The following JAM2 variants were observed in gnomAD, a reference collection of about 807,000 sequenced individuals.
The protein encoded by JAM2 is junctional adhesion molecule 2, also known as junctional adhesion molecule B.
JAM2 carries 17 observed loss-of-function variants against 42.0 expected under a neutral mutation model. The observed-to-expected ratio is 0.40, with a 90% confidence interval of 0.28 to 0.61. JAM2 has a LOEUF of 0.61. Ranked by LOEUF, JAM2 falls within the 20% of genes least tolerant of loss-of-function variation. JAM2 has a pLI of 0.37. For missense variants in JAM2, 319 were observed against 358.3 expected, an observed-to-expected ratio of 0.89 and a Z score of 0.89; for synonymous variants, 118 against 128.6, an observed-to-expected ratio of 0.92 and a Z score of 0.56.
chr21:25,654,789 A>G (rs571378368), intron 1 of JAM2, among the ~76,000 whole-genome samples: 1 of 152,360 alleles, frequency 6.6e-6, no homozygotes, highest in South Asian at 2.1e-4. Flanking sequence ...GGATAGATGC[A>G]CAAATTAAAT....
At chr21:25,648,302 A>G (rs1460386557) in intron 1 of JAM2, among the ~76,000 whole-genome samples, 2 of 152,224 alleles carry the variant, frequency 1.3e-5, no homozygotes, top group Non-Finnish European at 2.9e-5. Flanking sequence ...TAACTCAAGT[A>G]TGCATTTGTC....
In JAM2 at chr21:25,714,764, G is replaced by T; in HGVS notation, c.*92G>T. 1 of 785,432 alleles carries T rather than the reference G, an allele frequency of 1.3e-6. No homozygotes were observed. The highest frequency in any genetic ancestry group is 2.5e-5 in the South Asian group (1 of 39,528). 48.7% of individuals were successfully genotyped at this position (785,432 alleles called of 1,614,324 possible). On this transcript the variant is annotated 3_prime_UTR_variant, in exon 10 of 10. Coordinates refer to ENST00000480456, the MANE Select transcript of JAM2 (RefSeq NM_021219.4). ...CTGCTTTGTCCGACATTTGCAAAGA[G>T]GTACACGAGGAAATGGAATTGGTAT...
intron 1 of JAM2, among the ~76,000 whole-genome samples, chr21:25,666,847 C>G (rs567005037): frequency 3.3e-5 from 5 of 152,276 alleles, no homozygotes; most frequent in Non-Finnish European, 7.4e-5. Flanking sequence ...CTTTTAAAAT[C>G]TCCTTTTAAG....
intron 6 of JAM2, among the ~76,000 whole-genome samples, chr21:25,704,270 C>G (rs2034227611): frequency 1.3e-5 from 2 of 152,006 alleles, no homozygotes; most frequent in Admixed American, 1.3e-4. Flanking sequence ...ATCTTATTGA[C>G]CTCTCAATAC....
chr21:25,646,799 G>T (rs1217014560), intron 1 of JAM2, among the ~76,000 whole-genome samples: 4 of 152,152 alleles, frequency 2.6e-5, no homozygotes, highest in Non-Finnish European at 5.9e-5. Context: ...CCATTGTCTT[G>T]GCTCAGAAAG....
chr21:25,683,548 C>T (rs1417510066), intron 1 of JAM2, among the ~76,000 whole-genome samples: 2 of 151,806 alleles, frequency 1.3e-5, no homozygotes, highest in African/African-American at 4.8e-5. Flanking sequence ...GGGGCAATAC[C>T]GTGTGACACT....
At chr21:25,712,410 A>G in intron 9 of JAM2, 28 bp downstream of exon 9, 1 of 1,490,030 alleles carries the variant, frequency 6.7e-7, no homozygotes, top group Non-Finnish European at 9.3e-7. Context: ...ATATTTATAG[A>G]ATGAATATGT....
chr21:25,695,234 C>A (rs377492366), intron 4 of JAM2, among the ~76,000 whole-genome samples: 1 of 152,106 alleles, frequency 6.6e-6, no homozygotes, highest in Non-Finnish European at 1.5e-5. Flanking sequence ...CATCTTGCAC[C>A]GCCCTTAATC....
intron 1 of JAM2, among the ~76,000 whole-genome samples, chr21:25,679,004 A>G (rs187821282): frequency 6.6e-6 from 1 of 152,194 alleles, no homozygotes; most frequent in East Asian, 1.9e-4. Flanking sequence ...GGATGTTACT[A>G]TGTTGCCCAG....
intron 1 of JAM2, among the ~76,000 whole-genome samples, chr21:25,644,689 G>C (rs1452905770): frequency 6.6e-6 from 1 of 152,206 alleles, no homozygotes; most frequent in Non-Finnish European, 1.5e-5. Flanking sequence ...TGGGGAGTAG[G>C]ATGTGGACAT....
intron 9 of JAM2, 108 bp downstream of exon 9, chr21:25,712,490 C>A (rs923237460): frequency 9.4e-6 from 7 of 745,550 alleles, no homozygotes; most frequent in Admixed American, 4.7e-5. Flanking sequence ...ATACACTTTG[C>A]ACCAGTGTCT....
chr21:25,673,220 T>C (rs773501816), intron 1 of JAM2, among the ~76,000 whole-genome samples: 3 of 152,204 alleles, frequency 2.0e-5, no homozygotes, highest in Non-Finnish European at 4.4e-5. Flanking sequence ...TTTTGAAATT[T>C]TTGGGAATTT....
chr21:25,691,250 A>G (rs2033874598), intron 3 of JAM2, among the ~76,000 whole-genome samples: 1 of 152,278 alleles, frequency 6.6e-6, no homozygotes, highest in South Asian at 2.1e-4. Context: ...ATCTGTCAAG[A>G]TAAGACTACT....
At chr21:25,673,523 T>C (rs1357068489) in intron 1 of JAM2, among the ~76,000 whole-genome samples, 2 of 152,176 alleles carry the variant, frequency 1.3e-5, no homozygotes, top group Non-Finnish European at 2.9e-5. Flanking sequence ...TAACACTGTC[T>C]CTGTTAAGAT....
At chr21:25,654,303 A>C (rs1264765354) in intron 1 of JAM2, among the ~76,000 whole-genome samples, 2 of 152,190 alleles carry the variant, frequency 1.3e-5, no homozygotes, top group Non-Finnish European at 2.9e-5. Flanking sequence ...TTACAATGGA[A>C]GGATCAGTCT....
chr21:25,703,930 C>G (rs1395979722), intron 6 of JAM2, among the ~76,000 whole-genome samples: 1 of 152,142 alleles, frequency 6.6e-6, no homozygotes, highest in African/African-American at 2.4e-5. Context: ...TCCCATTTCA[C>G]TGAAGAAAAA....
chr21:25,665,147 G>A (rs1405613848), intron 1 of JAM2, among the ~76,000 whole-genome samples: 2 of 152,160 alleles, frequency 1.3e-5, no homozygotes, highest in African/African-American at 2.4e-5. Context: ...TTGTAATAGG[G>A]AGGAGACAGC....
At chr21:25,689,455 G>T (rs1164927137) in intron 2 of JAM2, among the ~76,000 whole-genome samples, 1 of 152,194 alleles carries the variant, frequency 6.6e-6, no homozygotes, top group Admixed American at 6.5e-5. Flanking sequence ...CATTATCTTA[G>T]TTGCCTCTTC....
intron 1 of JAM2, among the ~76,000 whole-genome samples, chr21:25,681,854 C>T (rs1375974422): frequency 1.3e-5 from 2 of 151,984 alleles, no homozygotes; most frequent in African/African-American, 4.8e-5. Flanking sequence ...TCGTGGCGGG[C>T]GCCTGTAGTC....
Sources: gnomAD v4.1 joint callset for allele counts (sites outside exome capture counted in the v4.1 genomes callset) on GRCh38, gnomAD v4.1.1 for gene constraint, MANE v1.5 for transcripts, NCBI Gene and HGNC (gene_info 2026-07-23, HGNC 2026-07-21) for gene names.